The following NUMA1 variants were observed in gnomAD, a reference collection of about 807,000 sequenced individuals.
The protein encoded by NUMA1 is nuclear mitotic apparatus protein 1, also known as SP-H antigen.
In NUMA1, 62 loss-of-function variants were observed where a neutral mutation model predicts 237.1. The observed-to-expected ratio is 0.26, with a 90% CI of 0.21 to 0.32. The LOEUF is 0.32. NUMA1 is among the 10% of genes least tolerant of loss of function. The pLI, the probability that NUMA1 is intolerant of heterozygous loss-of-function variation, is 1.00. For missense variants in NUMA1, 2,533 were observed against 2,666.5 expected (o/e 0.95, Z 1.10); for synonymous variants, 1,028 against 1,066.1 (o/e 0.96, Z 0.70).
At chr11:72,025,490 G>A (rs905995927) in intron 4 of NUMA1, among the ~76,000 whole-genome samples, 3 of 152,132 alleles carry the variant, frequency 2.0e-5, no homozygotes, top group African/African-American at 7.2e-5. Context: ...CCTAGTGGGG[G>A]AACTTCGCTG....
chr11:72,019,006 A>G, intron 9 of NUMA1, 26 bp from the exon 10 acceptor site: 1 of 1,612,002 alleles, frequency 6.2e-7, no homozygotes, highest in East Asian at 2.2e-5. Context: ...GCCCATATGC[A>G]TTGGTAAGCG....
chr11:72,012,004 T>C (rs947610680), intron 16 of NUMA1, among the ~76,000 whole-genome samples: 5 of 152,198 alleles, frequency 3.3e-5, no homozygotes, highest in Non-Finnish European at 2.9e-5. Flanking sequence ...AGGGACACCA[T>C]GTTAAACAAG....
rs1470065870 is a variant in NUMA1 at position 72,003,543 on chromosome 11, AAG to A, written c.6337-7_6337-6del. The A allele has an allele frequency of 1.9e-6, 3 of 1,614,164 alleles. No homozygotes were observed. Among genetic ancestry groups the A allele is most frequent in the Admixed American group, 1.7e-5 (1 of 60,028 alleles). On this transcript the variant is annotated splice_polypyrimidine_tract_variant and splice_region_variant and intron_variant, in intron 26 of 26. Coordinates refer to ENST00000393695, the MANE Select transcript of NUMA1 (RefSeq NM_006185.4). Reference sequence around the variant, plus strand: ...ACTGGCCCTTTAGTGCTTTGCCTGAAAGAGACACAGTCACATGGCCAGATGAG... The same window carrying A: ...ACTGGCCCTTTAGTGCTTTGCCTGAAAGACACAGTCACATGGCCAGATGAG...
Position 72,048,531 on chromosome 11 carries a change from C to T in NUMA1, c.-32-12556G>A, listed in dbSNP as rs538957566. On this transcript the variant is annotated intron_variant, in intron 2 of 26. Coordinates refer to ENST00000393695, the MANE Select transcript of NUMA1 (RefSeq NM_006185.4). Reference sequence around the variant, plus strand: ...GGATTACAGGCGCTCGCCAACATGCCGGTCTAATTTTTTTTATTTTTAGTA... The same window carrying T: ...GGATTACAGGCGCTCGCCAACATGCTGGTCTAATTTTTTTTATTTTTAGTA... Among the ~76,000 whole-genome samples the T allele has an allele frequency of 9.9e-5, 15 of 152,190 alleles. No homozygotes were observed. The East Asian group carries it at 2.1e-3, about 22-fold the overall frequency.
intron 15 of NUMA1, 127 bp from the exon 16 acceptor site, chr11:72,012,569 T>C: frequency 1.1e-6 from 1 of 933,146 alleles, no homozygotes; most frequent in Non-Finnish European, 1.7e-6. Context: ...ACAGTAAGTT[T>C]AAAAATGCCA....
chr11:72,063,553 G>A (rs1439406740), intron 2 of NUMA1, among the ~76,000 whole-genome samples: 1 of 140,740 alleles, frequency 7.1e-6, no homozygotes, highest in Non-Finnish European at 1.5e-5. Flanking sequence ...ATGGGTGTGA[G>A]CCACTGCACC....
At chr11:72,055,688 A>G (rs1416356516) in intron 2 of NUMA1, among the ~76,000 whole-genome samples, 1 of 152,082 alleles carries the variant, frequency 6.6e-6, no homozygotes, top group Non-Finnish European at 1.5e-5. Context: ...TAATTATTAA[A>G]TACCAGGCAA....
intron 2 of NUMA1, among the ~76,000 whole-genome samples, chr11:72,054,794 T>G (rs1942548164): frequency 6.6e-6 from 1 of 152,140 alleles, no homozygotes; most frequent in Non-Finnish European, 1.5e-5. Flanking sequence ...AAAATATGAT[T>G]TGGGGTTAGA....
Position 72,003,998 on chromosome 11 carries a change from C to T in NUMA1, c.6225G>A (p.Lys2075=), listed in dbSNP as rs747899496. 13 of 1,613,392 alleles carry T rather than the reference C, an allele frequency of 8.1e-6. No individual in the cohort carries two copies. ...RRGASKKALS[K]ASPNTRSGTR... ...TTCCACTGCGAGTGTTGGGGGAAGCCTTGGACAGGGCCTTCTTTGAGGCTC... is the reference window on the plus strand; with the variant it reads ...TTCCACTGCGAGTGTTGGGGGAAGCTTTGGACAGGGCCTTCTTTGAGGCTC... The change falls in exon 26 of 27, where the codon AAG becomes AAA. Residue 2075 remains lysine, a synonymous_variant. Coordinates refer to ENST00000393695, the MANE Select transcript of NUMA1 (RefSeq NM_006185.4).
chr11:72,054,426 C>G (rs1434805331), intron 2 of NUMA1, among the ~76,000 whole-genome samples: 1 of 149,030 alleles, frequency 6.7e-6, no homozygotes, highest in East Asian at 2.0e-4. Context: ...CAAGATCACA[C>G]AATTGCAATC....
chr11:72,078,497 T>C (rs1943821956), intron 1 of NUMA1, among the ~76,000 whole-genome samples: 1 of 152,254 alleles, frequency 6.6e-6, no homozygotes, highest in Admixed American at 6.5e-5. Context: ...TGAGCAGGGC[T>C]TTGCCCTCAT....
At chr11:72,026,827 G>T (rs568940403) in intron 4 of NUMA1, among the ~76,000 whole-genome samples, 2 of 152,240 alleles carry the variant, frequency 1.3e-5, no homozygotes, top group Non-Finnish European at 2.9e-5. Context: ...AAATGTAAGA[G>T]CCAGAACATA....
intron 1 of NUMA1, among the ~76,000 whole-genome samples, chr11:72,076,374 T>C (rs2136346380): frequency 6.6e-6 from 1 of 151,210 alleles, no homozygotes; most frequent in African/African-American, 2.4e-5. Context: ...ACAGATCCTA[T>C]CTCAAAAAAT....
At chr11:72,064,511 G>T (rs1056302601) in intron 2 of NUMA1, among the ~76,000 whole-genome samples, 2 of 152,022 alleles carry the variant, frequency 1.3e-5, no homozygotes, top group Non-Finnish European at 2.9e-5. Flanking sequence ...ATGACATGGG[G>T]AAATACTCAA....
chr11:72,018,676 G>T, intron 10 of NUMA1, 147 bp downstream of exon 10: 1 of 1,123,310 alleles, frequency 8.9e-7, no homozygotes, highest in Non-Finnish European at 1.3e-6. Context: ...GACAAAGACA[G>T]AACCTAGCTT....
intron 2 of NUMA1, among the ~76,000 whole-genome samples, chr11:72,057,920 A>T (rs1398733707): frequency 6.6e-6 from 1 of 150,816 alleles, no homozygotes; most frequent in Non-Finnish European, 1.5e-5. Context: ...AAAAAAAAAA[A>T]AATAGCTAGG....
chr11:72,019,312 T>G lies in NUMA1; in HGVS notation c.584+182A>C, dbSNP rs545467554. 2.0e-5 allele frequency among the ~76,000 whole-genome samples: 3 copies of G among 152,340 alleles called. No individual in the cohort carries two copies. The South Asian group carries it at 6.2e-4, about 32-fold the overall frequency. On this transcript the variant is annotated intron_variant, in intron 9 of 26. Coordinates refer to ENST00000393695, the MANE Select transcript of NUMA1 (RefSeq NM_006185.4). ...GGAACAGCTTTTGAGGGAGGCCTTC[T>G]GCACATGACAAATCCCAACCACTTC...
chr11:72,023,059 A>T lies in NUMA1; in HGVS notation c.291+6T>A. On this transcript the variant is annotated splice_donor_region_variant and intron_variant, in intron 6 of 26. Coordinates refer to ENST00000393695, the MANE Select transcript of NUMA1 (RefSeq NM_006185.4). ...CTGCCTCCCCAGTCTGGTATTCCAT[A>T]GGTACCTTCGCCAGTTCCAGCTCTG... 6.2e-7 allele frequency: 1 copy of T among 1,609,920 alleles called. No homozygotes were observed. The highest frequency in any genetic ancestry group is 8.5e-7 in the Non-Finnish European group (1 of 1,176,306).
rs930142260 is a variant in NUMA1 at position 72,003,990 on chromosome 11, G to A, written c.6233C>T (p.Pro2078Leu). The change falls in exon 26 of 27, where the codon CCC becomes CTC. Residue 2078 changes from proline (P) to leucine (L), a missense_variant. This residue lies in a region of NUMA1 where 795 missense variants were observed against 750.8 expected (regional missense o/e 1.06). Coordinates refer to ENST00000393695, the MANE Select transcript of NUMA1 (RefSeq NM_006185.4). ...ASKKALSKAS[P>L]NTRSGTRRSP... ...ACGGCGGGTTCCACTGCGAGTGTTG[G>A]GGGAAGCCTTGGACAGGGCCTTCTT... The A allele has an allele frequency of 6.2e-7, 1 of 1,613,464 alleles. No homozygotes were observed. The highest frequency in any genetic ancestry group is 8.5e-7 in the Non-Finnish European group (1 of 1,179,670).
Sources: allele counts gnomAD v4.1 joint callset (sites outside exome capture counted in the v4.1 genomes callset), GRCh38; gene constraint gnomAD v4.1.1; regional missense constraint gnomAD v4.1.1; transcripts MANE v1.5; gene names NCBI Gene and HGNC (gene_info 2026-07-23, HGNC 2026-07-21).